FAM200B: variants seen among roughly 807,000 people sequenced by gnomAD.
The protein encoded by FAM200B is protein FAM200B.
A neutral mutation model predicts 33.1 loss-of-function variants in FAM200B; 32 were observed. The observed-to-expected ratio is 0.97, with a 90% CI of 0.73 to 1.30. The LOEUF (loss-of-function observed/expected upper bound fraction) is 1.30. Among genes scored for constraint, FAM200B ranks in the 50% most tolerant of loss-of-function variants. The pLI is 0.00. For synonymous variants in FAM200B, 240 were observed against 264.8 expected (o/e 0.91, Z 0.91); for missense variants, 741 against 754.0 (o/e 0.98, Z 0.20).
chr4:15,679,574 A>AC (rs1718129362), upstream of FAM200B, among the ~76,000 whole-genome samples: 1 of 151,538 alleles, frequency 6.6e-6, no homozygotes, highest in African/African-American at 2.4e-5. Context: ...AAAAAAAAAA[A>AC]AAACAAAAAA....
chr4:15,651,308 A>G, the FAM200B span, among the ~76,000 whole-genome samples: 3 of 152,240 alleles, frequency 2.0e-5, no homozygotes, highest in Non-Finnish European at 2.9e-5. Context: ...CGAAGGGGAA[A>G]AAAAATCCTA....
chr4:15,648,884 T>A, the FAM200B span, among the ~76,000 whole-genome samples: 8 of 152,138 alleles, frequency 5.3e-5, no homozygotes, highest in Non-Finnish European at 1.0e-4. Context: ...ACACAAAGGG[T>A]AATCGTTTGT....
rs1293198782 is a variant in FAM200B at position 15,689,341 on chromosome 4, A to G, written c.*390A>G. On this transcript the variant is annotated 3_prime_UTR_variant, in exon 2 of 2. Transcript: ENST00000422728. ...CAAACCATGAAGGGTTCTGTAGACC[A>G]TTATTGGGCCTCTGGCTTTTGTCAG... The G allele has an allele frequency of 5.9e-6, 1 of 170,708 alleles. No homozygotes were observed. Among genetic ancestry groups the G allele is most frequent in the Non-Finnish European group, 1.4e-5 (1 of 70,714 alleles). 10.6% of individuals were successfully genotyped at this position (170,708 alleles called of 1,614,324 possible).
the FAM200B span, among the ~76,000 whole-genome samples, chr4:15,655,863 G>A: frequency 3.3e-5 from 5 of 152,308 alleles, no homozygotes; most frequent in Middle Eastern, 3.4e-3. Context: ...AGACCACCCC[G>A]GCCGCCACTC....
the FAM200B span, chr4:15,655,354 G>C: frequency 2.0e-5 from 24 of 1,206,900 alleles, no homozygotes; most frequent in Non-Finnish European, 2.5e-5. Flanking sequence ...CCTCGCCGCG[G>C]GGCAGAGGCG....
chr4:15,638,552 C>G, the FAM200B span: 1 of 1,601,410 alleles, frequency 6.2e-7, no homozygotes, highest in Non-Finnish European at 8.5e-7. Flanking sequence ...AAACTTCTGT[C>G]GCTCTTCAGC....
Position 15,687,590 on chromosome 4 carries a change from T to A in FAM200B, c.613T>A (p.Cys205Ser). Reference sequence around the variant, plus strand: ...TGATAACACAGTATCTCTTCGAATTTGTACTATTGCAGAACATTTAGAAAC... The same window carrying A: ...TGATAACACAGTATCTCTTCGAATTAGTACTATTGCAGAACATTTAGAAAC... ...PNDNTVSLRICTIAEHLETML... is the reference protein window; with the variant it reads ...PNDNTVSLRISTIAEHLETML... The change falls in exon 2 of 2, where the codon TGT becomes AGT. Residue 205 changes from cysteine (C) to serine (S), a missense_variant. By Grantham distance (112) the Cys-to-Ser change is moderately radical. Coordinates refer to ENST00000422728, the MANE Select transcript of FAM200B (RefSeq NM_001145191.2). 3.9e-6 allele frequency: 6 copies of A among 1,550,892 alleles called. No individual in the cohort carries two copies. The highest frequency in any genetic ancestry group is 5.2e-6 in the Non-Finnish European group (6 of 1,146,548).
chr4:15,638,759 T>C, the FAM200B span: 1 of 1,006,668 alleles, frequency 9.9e-7, no homozygotes, highest in Non-Finnish European at 1.4e-6. Context: ...CTAAACCCTT[T>C]TAAATTATTA....
chr4:15,641,488 A>T, the FAM200B span: 1 of 362,430 alleles, frequency 2.8e-6, no homozygotes, highest in Non-Finnish European at 5.2e-6. Flanking sequence ...TTTCTTCCGT[A>T]TGATGTTCTT....
the FAM200B span, among the ~76,000 whole-genome samples, chr4:15,646,909 A>G: frequency 6.6e-6 from 1 of 151,998 alleles, no homozygotes; most frequent in South Asian, 2.1e-4. Context: ...GGATGCAGAA[A>G]CCACAGATTC....
At chr4:15,685,794 A>G (rs182219389) in intron 1 of FAM200B, among the ~76,000 whole-genome samples, 208 of 152,304 alleles carry the variant, frequency 1.4e-3, no homozygotes, top group African/African-American at 4.8e-3. Flanking sequence ...ATTTGAGATA[A>G]TTTGATGGAA....
In FAM200B at chr4:15,690,342, C is replaced by T. The variant is rs1213108205; in HGVS notation, c.*1391C>T. 6.0e-6 allele frequency: 1 copy of T among 167,012 alleles called. No homozygotes were observed. The highest frequency in any genetic ancestry group is 1.5e-5 in the Non-Finnish European group (1 of 68,104). The allele number at this position is 167,012 out of a possible 1,614,324, so 10.3% of individuals were successfully genotyped here. A position where few individuals can be genotyped will look rare whatever the true frequency, so the allele number is the denominator to read the frequency against. The stretch of plus-strand genomic sequence containing the variant: ...ATACAGGATAGTAATTCCTTTCCAT[C>T]TGCTACCATGCCTAGCCTTATTTAA... On this transcript the variant is annotated 3_prime_UTR_variant, in exon 2 of 2. Transcript: ENST00000422728.
the FAM200B span, among the ~76,000 whole-genome samples, chr4:15,663,478 C>T: frequency 6.6e-6 from 1 of 152,164 alleles, no homozygotes; most frequent in Non-Finnish European, 1.5e-5. Flanking sequence ...GTTCAAATCT[C>T]AGCTGGTCCA....
At chr4:15,682,250 A>G (rs896823751) in intron 1 of FAM200B, among the ~76,000 whole-genome samples, 3 of 152,246 alleles carry the variant, frequency 2.0e-5, no homozygotes, top group African/African-American at 7.2e-5. Flanking sequence ...CAAAACAGGA[A>G]ACAAAGGGAA....
At chr4:15,659,886 C>G in the FAM200B span, 1 of 171,704 alleles carries the variant, frequency 5.8e-6, no homozygotes, top group East Asian at 1.9e-4. Context: ...CTTGACTCAG[C>G]TGTTTGCACC....
chr4:15,650,977 T>C, the FAM200B span, among the ~76,000 whole-genome samples: 1 of 152,184 alleles, frequency 6.6e-6, no homozygotes, highest in African/African-American at 2.4e-5. Flanking sequence ...AAATCAAGTA[T>C]TACAGCCTGG....
At chr4:15,641,378 C>G in the FAM200B span, 3 of 344,756 alleles carry the variant, frequency 8.7e-6, no homozygotes, top group East Asian at 1.6e-4. Flanking sequence ...CAAGACCAAC[C>G]CCACCTCTTC....
the FAM200B span, among the ~76,000 whole-genome samples, chr4:15,664,653 G>T: frequency 6.7e-5 from 10 of 148,852 alleles, no homozygotes; most frequent in Non-Finnish European, 1.2e-4. Flanking sequence ...TGCCTCCCGG[G>T]TTCAAGCAAT....
the FAM200B span, among the ~76,000 whole-genome samples, chr4:15,646,437 A>C: frequency 3.3e-5 from 5 of 151,780 alleles, no homozygotes; most frequent in Non-Finnish European, 4.4e-5. Context: ...AATCTCTGCA[A>C]ACACTATCAT....
Sources: gnomAD v4.1 joint callset for allele counts (sites outside exome capture counted in the v4.1 genomes callset) on GRCh38, gnomAD v4.1.1 for gene constraint, MANE v1.5 for transcripts, NCBI Gene and HGNC (gene_info 2026-07-23, HGNC 2026-07-21) for gene names.